AR: variants seen among roughly 807,000 people sequenced by gnomAD.
AR encodes the protein androgen receptor, also known as dihydrotestosterone receptor.
AR carries 8 observed loss-of-function variants against 53.9 expected under a neutral mutation model. The ratio of observed to expected loss-of-function variants is 0.15; its 90% CI spans 0.09 to 0.27. AR has a LOEUF of 0.27. Among genes scored for constraint, AR ranks in the 10% least tolerant of loss-of-function variants. The probability of loss-of-function intolerance (pLI) is 1.00; values close to 1 mark genes in which losing one functional copy is unlikely to be tolerated. For synonymous variants in AR, 359 were observed against 316.4 expected (o/e 1.13, Z -1.43); for missense variants, 639 against 742.5 (o/e 0.86, Z 1.62).
chrX:67,627,464 T>A (rs981514793), intron 1 of AR, among the ~76,000 whole-genome samples: 1 of 112,188 alleles, frequency 8.9e-6, no homozygotes, highest in South Asian at 3.7e-4. Flanking sequence ...CTTCGCCCAC[T>A]TTTTGATGGG....
chrX:67,566,890 A>G (rs1921579951), intron 1 of AR, among the ~76,000 whole-genome samples: 1 of 111,235 alleles, frequency 9.0e-6, no homozygotes, highest in Admixed American at 9.6e-5. Flanking sequence ...TTTAATCTTT[A>G]CTTTGATCCT....
chrX:67,548,039 G>A (rs1396199483), intron 1 of AR, among the ~76,000 whole-genome samples: 1 of 112,071 alleles, frequency 8.9e-6, no homozygotes, highest in East Asian at 2.8e-4. Flanking sequence ...GCCAGGTGCT[G>A]ATGTCCCTGT....
intron 3 of AR, among the ~76,000 whole-genome samples, chrX:67,704,975 T>C (rs1348599388): frequency 1.8e-5 from 2 of 112,034 alleles, no homozygotes; most frequent in East Asian, 5.6e-4. Flanking sequence ...GCATTATTTC[T>C]GAGGGCTCTG....
intron 1 of AR, among the ~76,000 whole-genome samples, chrX:67,586,160 G>A (rs944429103): frequency 1.8e-5 from 2 of 111,525 alleles, no homozygotes; most frequent in African/African-American, 6.5e-5. Flanking sequence ...TTTTGAGGAA[G>A]CATAATTTTC....
At chrX:67,695,386 C>T (rs2076015077) in intron 3 of AR, 3 of 751,570 alleles carry the variant, frequency 4.0e-6, no homozygotes, top group Admixed American at 8.9e-5. Context: ...CCAGCCAACC[C>T]CTCTCTTCAA....
At chrX:67,547,746 T>C (rs1367505583) in intron 1 of AR, among the ~76,000 whole-genome samples, 1 of 112,104 alleles carries the variant, frequency 8.9e-6, no homozygotes, top group East Asian at 2.8e-4. Context: ...TTATATTCCT[T>C]TATTTTTAGG....
chrX:67,691,212 G>T (rs1302361168), intron 3 of AR, among the ~76,000 whole-genome samples: 1 of 111,740 alleles, frequency 8.9e-6, no homozygotes, highest in Non-Finnish European at 1.9e-5. Flanking sequence ...CTCCATTTGG[G>T]TTGTTACCTG....
intron 1 of AR, among the ~76,000 whole-genome samples, chrX:67,577,900 A>G (rs1384553839): frequency 9.0e-6 from 1 of 111,696 alleles, no homozygotes; most frequent in Non-Finnish European, 1.9e-5. Context: ...TCACAGTTAT[A>G]TGATGTTTTC....
chrX:67,605,671 G>A (rs914550961), intron 1 of AR, among the ~76,000 whole-genome samples: 2 of 111,846 alleles, frequency 1.8e-5, no homozygotes, highest in East Asian at 2.8e-4. Flanking sequence ...TCATCCGGCC[G>A]CTTTATTTGT....
chrX:67,695,426 C>T (rs2076015292), intron 3 of AR: 1 of 753,942 alleles, frequency 1.3e-6, no homozygotes, highest in Non-Finnish European at 1.6e-6. Context: ...TCCGACTTTC[C>T]CTCTTACATC....
At chrX:67,591,742 A>C (rs1922842252) in intron 1 of AR, among the ~76,000 whole-genome samples, 1 of 111,520 alleles carries the variant, frequency 9.0e-6, no homozygotes, top group Non-Finnish European at 1.9e-5. Context: ...ACGAGATAAA[A>C]ACTCCAGGCT....
rs2147322639 is a variant in AR at position 67,546,626 on chromosome X, G to A, written c.1480G>A (p.Glu494Lys). The change falls in exon 1 of 8, where the codon GAA becomes AAA. Residue 494 changes from glutamate (E) to lysine (K), a missense_variant. Physicochemically the swap from Glu to Lys is moderately conservative, Grantham distance 56 (BLOSUM62 1). This residue lies in a region of AR where 423 missense variants were observed against 377.0 expected (regional missense o/e 1.12). Coordinates refer to ENST00000374690, the MANE Select transcript of AR (RefSeq NM_000044.6). Reference protein sequence around the residue: ...TRPPQGLAGQESDFTAPDVWY... With the variant: ...TRPPQGLAGQKSDFTAPDVWY... ...GCCCCCTCAGGGGCTGGCGGGCCAG[G>A]AAAGCGACTTCACCGCACCTGATGT... 8.4e-7 allele frequency: 1 copy of A among 1,196,460 alleles called. No individual in the cohort carries two copies. Among genetic ancestry groups the A allele is most frequent in the African/African-American group, 1.7e-5 (1 of 57,389 alleles).
intron 1 of AR, among the ~76,000 whole-genome samples, chrX:67,567,195 C>G (rs1453767202): frequency 5.4e-5 from 6 of 111,449 alleles, no homozygotes; most frequent in Non-Finnish European, 3.8e-5. Flanking sequence ...AAAGGTTTTA[C>G]AGCCTTTCTG....
chrX:67,683,291 G>C (rs192289579), intron 2 of AR, among the ~76,000 whole-genome samples: 1 of 111,450 alleles, frequency 9.0e-6, no homozygotes, highest in African/African-American at 3.3e-5. Context: ...AGATGTAAGA[G>C]ACAATGTTGC....
intron 1 of AR, among the ~76,000 whole-genome samples, chrX:67,637,886 T>C (rs1183325010): frequency 9.0e-6 from 1 of 110,993 alleles, no homozygotes; most frequent in Admixed American, 9.6e-5. Context: ...ACAGGTTTGT[T>C]ACATAGGTAC....
At chrX:67,628,244 C>T (rs1236253725) in intron 1 of AR, among the ~76,000 whole-genome samples, 1 of 107,509 alleles carries the variant, frequency 9.3e-6, no homozygotes, top group Non-Finnish European at 1.9e-5. Context: ...GCCATTTTCA[C>T]GATATTGATT....
chrX:67,677,897 A>C (rs1490184344), intron 2 of AR, among the ~76,000 whole-genome samples: 1 of 111,085 alleles, frequency 9.0e-6, no homozygotes, highest in African/African-American at 3.3e-5. Flanking sequence ...ATAATAATAT[A>C]TATGATCTGT....
At chrX:67,722,126 C>A in intron 6 of AR, 163 bp downstream of exon 6, 1 of 647,971 alleles carries the variant, frequency 1.5e-6, no homozygotes, top group Non-Finnish European at 2.3e-6. Context: ...CATCATTTTC[C>A]TAACAAGAAA....
intron 1 of AR, among the ~76,000 whole-genome samples, chrX:67,582,701 T>A (rs1449828130): frequency 9.0e-6 from 1 of 111,596 alleles, no homozygotes; most frequent in African/African-American, 3.3e-5. Flanking sequence ...TCCTGGACAT[T>A]ATGATTCATT....
Sources: allele counts gnomAD v4.1 joint callset (sites outside exome capture counted in the v4.1 genomes callset), GRCh38; gene constraint gnomAD v4.1.1; regional missense constraint gnomAD v4.1.1; transcripts MANE v1.5; gene names NCBI Gene and HGNC (gene_info 2026-07-23, HGNC 2026-07-21).